The following GTPBP6 variants were observed in gnomAD, a reference collection of about 807,000 sequenced individuals.
GTPBP6 encodes the protein GTP binding protein 6, also known as putative GTP-binding protein 6.
A neutral mutation model predicts 28.9 loss-of-function variants in GTPBP6; 33 were observed. That is an observed-to-expected ratio of 1.14 (90% CI 0.87 to 1.53). The LOEUF is 1.53. GTPBP6 is among the 40% of genes most tolerant of loss of function. The probability of loss-of-function intolerance (pLI) is 0.00; values close to 1 mark genes in which losing one functional copy is unlikely to be tolerated. For missense variants in GTPBP6, 507 were observed against 408.3 expected (o/e 1.24, Z -2.08); for synonymous variants, 231 against 192.7 (o/e 1.20, Z -1.65).
intron 9 of GTPBP6, among the ~76,000 whole-genome samples, chrX:305,921 G>T (rs2070153053): frequency 6.6e-6 from 1 of 152,054 alleles, no homozygotes; most frequent in South Asian, 2.1e-4. Context: ...ACCCCACCTG[G>T]GGTGGTAACT....
intron 9 of GTPBP6, among the ~76,000 whole-genome samples, chrX:305,846 G>C (rs192078880): frequency 0.028 from 4,272 of 151,682 alleles, 158 homozygotes; most frequent in African/African-American, 0.083. Context: ...GGCTGGTCTC[G>C]ATCTCCTGAC....
chrX:306,320 G>A (rs1469078581), intron 9 of GTPBP6, among the ~76,000 whole-genome samples: 1 of 151,144 alleles, frequency 6.6e-6, no homozygotes, highest in Non-Finnish European at 1.5e-5. Context: ...TGTACATTTT[G>A]ACTGTCAGTG....
rs369755334 is a variant in GTPBP6 at position 305,202 on chromosome X, G to A, written c.1428-5C>T. 55 of 1,609,194 alleles carry A rather than the reference G, an allele frequency of 3.4e-5. No individual in the cohort carries two copies. In the African/African-American group the frequency reaches 6.5e-4, roughly 19 times the overall value. ...GTGGCCTCCTTATACAGCCAGCTGG[G>A]CACAGATGCGCGTTGTATGGAGACA... On this transcript the variant is annotated splice_polypyrimidine_tract_variant and splice_region_variant and intron_variant, in intron 9 of 9. Coordinates refer to ENST00000326153, the Ensembl canonical transcript of GTPBP6.
intron 3 of GTPBP6, 21 bp from the exon 4 acceptor site, chrX:315,041 T>G (rs2070403809): frequency 5.0e-6 from 2 of 398,704 alleles, no homozygotes; most frequent in Non-Finnish European, 4.4e-6. Context: ...AGAGAGCAAC[T>G]GAGAAGCCAC....
Position 311,303 on chromosome X carries a change from G to T in GTPBP6, c.1125+116C>A, listed in dbSNP as rs868863388. The T allele has an allele frequency of 3.4e-3, 1,842 of 546,264 alleles. 115 individuals carry two copies. The African/African-American group carries it at 0.043, about 13-fold the overall frequency. The allele number at this position is 546,264 out of a possible 1,614,324, so 33.8% of individuals were successfully genotyped here. ...GGCTGAGTGGGTGTCCGAGGGCCCG[G>T]CCCCTGGGCTGAGTGGGTGTCCGAG... On this transcript the variant is annotated intron_variant, in intron 7 of 9. Coordinates refer to ENST00000326153, the Ensembl canonical transcript of GTPBP6.
At chrX:309,020 C>T (rs1196984031) in intron 7 of GTPBP6, among the ~76,000 whole-genome samples, 2 of 152,138 alleles carry the variant, frequency 1.3e-5, no homozygotes, top group Non-Finnish European at 2.9e-5. Context: ...CCACCACACC[C>T]GGTCCATAAT....
intron 8 of GTPBP6, 106 bp from the exon 9 acceptor site, chrX:307,618 C>G: frequency 1.4e-6 from 2 of 1,435,882 alleles, no homozygotes; most frequent in African/African-American, 2.8e-5. Context: ...GGGGCCACTC[C>G]CTGTGTCCTG....
chrX:315,073 G>A (rs2124473000), intron 3 of GTPBP6, 53 bp from the exon 4 acceptor site: 3 of 398,672 alleles, frequency 7.5e-6, no homozygotes, highest in East Asian at 3.6e-5. Flanking sequence ...GGGCCCTGGT[G>A]GCCAATGTGA....
intron 9 of GTPBP6, among the ~76,000 whole-genome samples, 166 bp downstream of exon 9, chrX:307,194 G>T (rs2070188717): frequency 1.4e-5 from 2 of 147,158 alleles, no homozygotes; most frequent in South Asian, 4.2e-4. Flanking sequence ...CCTCTTGTAT[G>T]CACAGTCACA....
At chrX:311,714 C>T (rs942089374) in intron 6 of GTPBP6, 87 bp from the exon 7 acceptor site, 13 of 1,118,870 alleles carry the variant, frequency 1.2e-5, no homozygotes, top group African/African-American at 1.5e-5. Context: ...ATGGAGACCA[C>T]GGCACCCTCT....
intron 1 of GTPBP6, among the ~76,000 whole-genome samples, chrX:317,609 C>T (rs2070461746): frequency 6.6e-6 from 1 of 151,432 alleles, no homozygotes; most frequent in Non-Finnish European, 1.5e-5. Context: ...GCCCTCCCTT[C>T]CCTGACCTCA....
intron 7 of GTPBP6, among the ~76,000 whole-genome samples, chrX:308,549 G>T (rs751404998): frequency 6.6e-6 from 1 of 152,132 alleles, no homozygotes; most frequent in South Asian, 2.1e-4. Context: ...GCCTGGTTGT[G>T]CGTGTCTGTG....
chrX:311,786 ACGCGTGGGACAAAGCCACCGT>A (rs1418392143), intron 6 of GTPBP6, 159 bp from the exon 7 acceptor site: 1 of 645,144 alleles, frequency 1.6e-6, no homozygotes. Context: ...GCCAGACCCG[ACGCGTGGGACAAAGCCACCGT>A]CGCTGTTCTC....
chrX:315,048 C>T (rs1199409120), intron 3 of GTPBP6, 28 bp from the exon 4 acceptor site: 17 of 398,736 alleles, frequency 4.3e-5, no homozygotes, highest in African/African-American at 3.1e-4. Context: ...AACTGAGAAG[C>T]CACGGGGGAA....
At chrX:305,046 C>G in exon 10 of GTPBP6, 5 of 1,609,258 alleles carry the variant, frequency 3.1e-6, no homozygotes, top group Non-Finnish European at 4.2e-6. Context: ...GCGATGCCCC[C>G]ACCCCGCAGG....
chrX:308,550 CGT>C (rs1173970312), intron 7 of GTPBP6, among the ~76,000 whole-genome samples: 1 of 151,892 alleles, frequency 6.6e-6, no homozygotes, highest in East Asian at 1.9e-4. Flanking sequence ...CCTGGTTGTG[CGT>C]GTCTGTGGTC....
In GTPBP6 at chrX:311,400, C is replaced by T. The variant is rs749667753; in HGVS notation, c.1125+19G>A. ...GAATGGGTGTCCGAGCACCCGATCC[C>T]CGGCCGTCCCACGCTCACCGAGTGG... is the stretch of plus-strand genomic sequence containing the variant. On this transcript the variant is annotated intron_variant, in intron 7 of 9. Transcript: ENST00000326153. 105 of 1,591,546 alleles carry T rather than the reference C, an allele frequency of 6.6e-5. 2 individuals are homozygous for T. The East Asian group carries it at 1.7e-3, about 26-fold the overall frequency.
In GTPBP6 at chrX:305,048, C is replaced by A. The variant is rs375493002; in HGVS notation, c.*26G>T. On this transcript the variant is annotated 3_prime_UTR_variant, in exon 10 of 10. Coordinates refer to ENST00000326153, the Ensembl canonical transcript of GTPBP6. ...AGCTCCCCAGGCAGCGATGCCCCCA[C>A]CCCGCAGGCCTCTGTGGGCGTCCGT... 4 of 1,609,598 alleles carry A rather than the reference C, an allele frequency of 2.5e-6. No homozygotes were observed. In the Admixed American group the frequency reaches 6.7e-5, roughly 27 times the overall value.
exon 10 of GTPBP6, chrX:305,004 A>C (rs2070123020): frequency 6.3e-7 from 1 of 1,583,194 alleles, no homozygotes. Context: ...AGCTGCCCCC[A>C]ACACAGCGGT....
Sources: allele counts gnomAD v4.1 joint callset (sites outside exome capture counted in the v4.1 genomes callset), GRCh38; gene constraint gnomAD v4.1.1; transcripts MANE v1.5; gene names NCBI Gene and HGNC (gene_info 2026-07-23, HGNC 2026-07-21).